ALDH1L1: variants seen among roughly 807,000 people sequenced by gnomAD.
ALDH1L1 encodes the protein cytosolic 10-formyltetrahydrofolate dehydrogenase.
In ALDH1L1, 68 loss-of-function variants were observed where a neutral mutation model predicts 101.1. That is an observed-to-expected ratio of 0.67 (90% CI 0.55 to 0.82). The LOEUF (loss-of-function observed/expected upper bound fraction) is 0.82, where lower values mean the gene tolerates loss of function less well. Among genes scored for constraint, ALDH1L1 ranks in the 40% least tolerant of loss-of-function variants. The pLI, the probability that ALDH1L1 is intolerant of heterozygous loss-of-function variation, is 0.00. For synonymous variants in ALDH1L1, 486 were observed against 470.8 expected, an observed-to-expected ratio of 1.03 and a Z score of -0.42; for missense variants, 1,087 against 1,172.7, an observed-to-expected ratio of 0.93 and a Z score of 1.07.
chr3:126,114,729 G>A lies in ALDH1L1; in HGVS notation c.1983-73C>T, dbSNP rs756515174. 3.5e-6 allele frequency: 5 copies of A among 1,410,492 alleles called. No homozygotes were observed. The Admixed American group carries it at 8.5e-5, about 24-fold the overall frequency. The allele number at this position is 1,410,492 out of a possible 1,614,324, so 87.4% of individuals were successfully genotyped here. ...GGGGCATTGGGACCCCAGGTGGCAG[G>A]GACCTGGGTAGGCCCAAAGCATGCT... On this transcript the variant is annotated intron_variant, in intron 17 of 22. Coordinates refer to ENST00000393434, the MANE Select transcript of ALDH1L1 (RefSeq NM_012190.4).
In ALDH1L1 at chr3:126,157,407, A is replaced by T; in HGVS notation, c.464T>A (p.Leu155His). 1 of 1,614,058 alleles carries T rather than the reference A, an allele frequency of 6.2e-7. No individual in the cohort carries two copies. The highest frequency in any genetic ancestry group is 8.5e-7 in the Non-Finnish European group (1 of 1,179,994). Residue 155 changes from leucine to histidine, a missense_variant, in exon 4 of 23, where the codon CTC (leucine) becomes CAC (histidine). By Grantham distance (99) the Leu-to-His change is moderately conservative (BLOSUM62 -3). Transcript: ENST00000393434. ...DLLLQKECEV[L>H]PDDTVSTLYN... ...CAGCGTGCTCACGGTGTCGTCCGGGAGCACCTCACACTCCTTCTGCAGCAG... is the reference window on the plus strand; with the variant it reads ...CAGCGTGCTCACGGTGTCGTCCGGGTGCACCTCACACTCCTTCTGCAGCAG...
At chr3:126,169,340 A>G (rs886779021) in intron 1 of ALDH1L1, among the ~76,000 whole-genome samples, 6 of 152,202 alleles carry the variant, frequency 3.9e-5, no homozygotes, top group Admixed American at 6.5e-5. Flanking sequence ...AACTAGTTAT[A>G]AGCATTCTTA....
At chr3:126,165,739 C>A (rs1049528699) in intron 1 of ALDH1L1, among the ~76,000 whole-genome samples, 1 of 152,140 alleles carries the variant, frequency 6.6e-6, no homozygotes, top group African/African-American at 2.4e-5. Flanking sequence ...CTCTAAGAAT[C>A]TTTTCTAATT....
intron 7 of ALDH1L1, chr3:126,153,025 C>T: frequency 3.3e-6 from 1 of 305,474 alleles, no homozygotes. Flanking sequence ...TGCTAAGTTA[C>T]CATGGCATCG....
At chr3:126,130,081 A>G in intron 14 of ALDH1L1, 142 bp downstream of exon 14, 1 of 646,694 alleles carries the variant, frequency 1.5e-6, no homozygotes, top group East Asian at 3.3e-5. Flanking sequence ...CCTGGCATGG[A>G]GCAGGTGCTC....
rs1028314426 is a variant in ALDH1L1 at position 126,115,863 on chromosome 3, C to T, written c.1983-1207G>A. Among the ~76,000 whole-genome samples the T allele has an allele frequency of 9.2e-5, 14 of 151,872 alleles. No homozygotes were observed. The South Asian group carries it at 1.0e-3, about 11-fold the overall frequency. On this transcript the variant is annotated intron_variant, in intron 17 of 22. Transcript: ENST00000393434. ...ATGCTGGGATTACAGGCATGAGCCA[C>T]AGCACCCAGCCTTTTTTTTTTTCCT...
At chr3:126,154,957 G>A (rs566805452) in intron 5 of ALDH1L1, among the ~76,000 whole-genome samples, 1 of 152,178 alleles carries the variant, frequency 6.6e-6, no homozygotes, top group Non-Finnish European at 1.5e-5. Context: ...ACCTTTCACT[G>A]GCAGGGCCCC....
At chr3:126,130,094 GAA>G in intron 14 of ALDH1L1, 127 bp downstream of exon 14, 1 of 804,702 alleles carries the variant, frequency 1.2e-6, no homozygotes, top group Non-Finnish European at 1.8e-6. Flanking sequence ...AGGTGCTCAA[GAA>G]GCACATGGAT....
At chr3:126,191,793 CT>C (rs989852177) in intron 1 of ALDH1L1, among the ~76,000 whole-genome samples, 2 of 152,112 alleles carry the variant, frequency 1.3e-5, no homozygotes, top group African/African-American at 4.8e-5. Context: ...ACTTTGTGAC[CT>C]TTATGTGCAA....
chr3:126,191,425 A>G (rs917427907), intron 1 of ALDH1L1, among the ~76,000 whole-genome samples: 1 of 152,148 alleles, frequency 6.6e-6, no homozygotes, highest in African/African-American at 2.4e-5. Flanking sequence ...CTCATGCCTG[A>G]TTGCCATGTT....
At chr3:126,121,221 G>A (rs1364809241) in intron 16 of ALDH1L1, among the ~76,000 whole-genome samples, 1 of 152,172 alleles carries the variant, frequency 6.6e-6, no homozygotes, top group Non-Finnish European at 1.5e-5. Context: ...ACGGAGCATG[G>A]CCCTGCTAAC....
intron 9 of ALDH1L1, among the ~76,000 whole-genome samples, chr3:126,140,785 A>G (rs1389984135): frequency 6.6e-6 from 1 of 152,012 alleles, no homozygotes; most frequent in Non-Finnish European, 1.5e-5. Flanking sequence ...ATAACTAAAA[A>G]CATACAGTAA....
At chr3:126,127,197 C>T (rs566327194) in intron 14 of ALDH1L1, among the ~76,000 whole-genome samples, 16 of 152,290 alleles carry the variant, frequency 1.1e-4, no homozygotes, top group South Asian at 4.1e-4. Context: ...GGCCGAGCCC[C>T]GGGACTGGAG....
chr3:126,192,840 A>G (rs1294895200), intron 1 of ALDH1L1, among the ~76,000 whole-genome samples: 1 of 152,232 alleles, frequency 6.6e-6, no homozygotes, highest in East Asian at 1.9e-4. Context: ...TGATTCGTGA[A>G]TCGGGCAGCC....
At chr3:126,174,327 G>T (rs2108331325) in intron 1 of ALDH1L1, among the ~76,000 whole-genome samples, 1 of 152,350 alleles carries the variant, frequency 6.6e-6, no homozygotes, top group Non-Finnish European at 1.5e-5. Flanking sequence ...ACCGTGCCTG[G>T]CCAGTACCCA....
rs532771929 is a variant in ALDH1L1 at position 126,179,206 on chromosome 3, G to A, written c.-24+1270C>T. 2.2e-3 allele frequency among the ~76,000 whole-genome samples: 340 copies of A among 152,370 alleles called. 1 individual carries two copies. The highest frequency in any genetic ancestry group is 3.7e-3 in the Non-Finnish European group (251 of 68,032). On this transcript the variant is annotated intron_variant, in intron 1 of 22. Coordinates refer to ENST00000393434, the MANE Select transcript of ALDH1L1 (RefSeq NM_012190.4). ...TGGCCGCTCAGTGTCCTTTCACTTG[G>A]TGGTGTGGGGACACTGGGAGGCTTC...
Position 126,136,887 on chromosome 3 carries a change from A to C in ALDH1L1, c.1225-4T>G, listed in dbSNP as rs759765007. 6.2e-7 allele frequency: 1 copy of C among 1,613,676 alleles called. No individual in the cohort carries two copies. The highest frequency in any genetic ancestry group is 8.5e-7 in the Non-Finnish European group (1 of 1,179,874). On this transcript the variant is annotated splice_polypyrimidine_tract_variant and splice_region_variant and intron_variant, in intron 10 of 22. Transcript: ENST00000393434. ...GCTTGTTCACTGCCATTTCCACCTGAAAGAAAGGCCCCAGTGACAAGCACA... is the reference window on the plus strand; with the variant it reads ...GCTTGTTCACTGCCATTTCCACCTGCAAGAAAGGCCCCAGTGACAAGCACA...
At chr3:126,140,827 A>G (rs1212967066) in intron 9 of ALDH1L1, among the ~76,000 whole-genome samples, 1 of 93,052 alleles carries the variant, frequency 1.1e-5, no homozygotes, top group Non-Finnish European at 2.1e-5. Context: ...GATACACTAC[A>G]AAAAAAATTA....
upstream of ALDH1L1, chr3:126,180,916 A>G (rs372651070): frequency 1.1e-5 from 18 of 1,606,830 alleles, no homozygotes; most frequent in African/African-American, 6.7e-5. Flanking sequence ...CAAGCCGGTG[A>G]CTCACTCACT....
Sources: allele counts gnomAD v4.1 joint callset (sites outside exome capture counted in the v4.1 genomes callset), GRCh38; gene constraint gnomAD v4.1.1; transcripts MANE v1.5; gene names NCBI Gene and HGNC (gene_info 2026-07-23, HGNC 2026-07-21).